The following GRK6 variants were observed in gnomAD, a reference collection of about 807,000 sequenced individuals.
GRK6 encodes the protein G protein-coupled receptor kinase 6.
GRK6 carries 37 observed loss-of-function variants against 80.8 expected under a neutral mutation model. The observed-to-expected ratio is 0.46, with a 90% CI of 0.35 to 0.60. The LOEUF (loss-of-function observed/expected upper bound fraction) is 0.60, where lower values mean the gene tolerates loss of function less well. Among genes scored for constraint, GRK6 ranks in the 20% least tolerant of loss-of-function variants. The probability of loss-of-function intolerance (pLI) is 0.00; values close to 1 mark genes in which losing one functional copy is unlikely to be tolerated. For missense variants in GRK6, 560 were observed against 784.6 expected, an observed-to-expected ratio of 0.71 and a Z score of 3.42; for synonymous variants, 295 against 320.9, an observed-to-expected ratio of 0.92 and a Z score of 0.86.
intron 13 of GRK6, among the ~76,000 whole-genome samples, chr5:177,437,557 T>A (rs1237396310): frequency 6.6e-6 from 1 of 152,196 alleles, no homozygotes; most frequent in Non-Finnish European, 1.5e-5. Flanking sequence ...CCTCTAGTTG[T>A]CAGAGTCCGG....
intron 5 of GRK6, 36 bp from the exon 6 acceptor site, chr5:177,433,111 G>T: frequency 6.4e-7 from 1 of 1,569,444 alleles, no homozygotes; most frequent in Non-Finnish European, 8.8e-7. Flanking sequence ...GGTGTCAGGG[G>T]CTGGCGGGTG....
chr5:177,436,212 G>C lies in GRK6; in HGVS notation c.1197G>C (p.Arg399=). The C allele has an allele frequency of 1.9e-6, 3 of 1,614,202 alleles. No individual in the cohort carries two copies. Among genetic ancestry groups the C allele is most frequent in the Non-Finnish European group, 2.5e-6 (3 of 1,180,036 alleles). Reference sequence around the variant, plus strand: ...AGATCAAGCGGGAGGAGGTGGAGCGGCTGGTGAAGGAGGTCCCCGAGGAGT... The same window carrying C: ...AGATCAAGCGGGAGGAGGTGGAGCGCCTGGTGAAGGAGGTCCCCGAGGAGT... The part of the protein sequence containing the change: ...KKKIKREEVE[R]LVKEVPEEYS... The change falls in exon 12 of 16, where the codon CGG becomes CGC. Residue 399 remains arginine (R), a synonymous_variant. Coordinates refer to ENST00000355472, the MANE Select transcript of GRK6 (RefSeq NM_001004106.3).
chr5:177,436,347 C>T, intron 12 of GRK6, 46 bp from the exon 13 acceptor site: 2 of 1,597,670 alleles, frequency 1.3e-6, no homozygotes, highest in Non-Finnish European at 8.5e-7. Flanking sequence ...CTCCCTCCCA[C>T]CCACTCACCT....
chr5:177,438,002 C>G (rs1764243988), intron 13 of GRK6, among the ~76,000 whole-genome samples: 1 of 152,184 alleles, frequency 6.6e-6, no homozygotes, highest in South Asian at 2.1e-4. Context: ...CCCTTACATT[C>G]TAGTGGGAGA....
chr5:177,431,021 G>T, intron 2 of GRK6, 54 bp downstream of exon 2: 1 of 1,468,480 alleles, frequency 6.8e-7, no homozygotes, highest in South Asian at 1.2e-5. Context: ...TGCTGGGGCC[G>T]GGGGAGCCTC....
Position 177,432,266 on chromosome 5 carries a change from A to G in GRK6, c.295A>G (p.Lys99Glu). Residue 99 changes from lysine to glutamate, a missense_variant, in exon 4 of 16, where the codon AAG (lysine) becomes GAG (glutamate). Lys to Glu is a moderately conservative substitution (Grantham distance 56). Coordinates refer to ENST00000355472, the MANE Select transcript of GRK6 (RefSeq NM_001004106.3). ...TGAAGTGACCCCGGATGACAAGCGG[A>G]AGGCATGTGGGCGGCAGCTAACGCA... ...EYEVTPDDKR[K>E]ACGRQLTQNF... The G allele has an allele frequency of 6.2e-7, 1 of 1,613,444 alleles. No individual in the cohort carries two copies. Among genetic ancestry groups the G allele is most frequent in the Non-Finnish European group, 8.5e-7 (1 of 1,179,996 alleles).
upstream of GRK6, among the ~76,000 whole-genome samples, chr5:177,425,938 G>A (rs1244340252): frequency 6.6e-6 from 1 of 152,254 alleles, no homozygotes; most frequent in African/African-American, 2.4e-5. Flanking sequence ...TCATCCCGAG[G>A]TCTAGGGGTG....
At chr5:177,431,252 G>A (rs187705228) in intron 2 of GRK6, among the ~76,000 whole-genome samples, 1 of 152,342 alleles carries the variant, frequency 6.6e-6, no homozygotes, top group Non-Finnish European at 1.5e-5. Flanking sequence ...GAGCCAGCTA[G>A]GGTGAGCAGG....
chr5:177,434,640 C>T (rs1434744083), intron 9 of GRK6, among the ~76,000 whole-genome samples: 1 of 152,238 alleles, frequency 6.6e-6, no homozygotes, highest in East Asian at 1.9e-4. Context: ...TCCTTGGTCT[C>T]CACTGGGGAG....
chr5:177,438,568 G>T (rs560746785), intron 13 of GRK6: 1 of 152,414 alleles, frequency 6.6e-6, no homozygotes, highest in Middle Eastern at 3.4e-3. Flanking sequence ...TGAGGCAGGG[G>T]CCAGCCCTGT....
At chr5:177,441,617 T>C (rs887677827) in intron 15 of GRK6, 120 bp from the exon 16 acceptor site, 39 of 852,106 alleles carry the variant, frequency 4.6e-5, no homozygotes, top group Admixed American at 6.9e-5. Context: ...CTCCCCAGAG[T>C]GCACCCCTCA....
intron 8 of GRK6, 94 bp from the exon 9 acceptor site, chr5:177,433,820 C>G: frequency 1.3e-6 from 2 of 1,490,970 alleles, no homozygotes; most frequent in Non-Finnish European, 1.8e-6. Flanking sequence ...GCAGGCTGGG[C>G]CCAAGGAGTG....
chr5:177,434,174 G>A, intron 9 of GRK6, 70 bp downstream of exon 9: 1 of 1,405,030 alleles, frequency 7.1e-7, no homozygotes. Flanking sequence ...GCCTGGACGG[G>A]GGTGGCCAAG....
At position 177,428,181 on chromosome 5, in the gene GRK6, G is replaced by A. The variant is rs573382922; in HGVS notation, c.52+1284G>A. 1.7e-3 allele frequency among the ~76,000 whole-genome samples: 262 copies of A among 152,352 alleles called. 1 individual carries two copies. The highest frequency in any genetic ancestry group is 3.1e-3 in the Non-Finnish European group (208 of 68,030). ...CTCCCAGCCTCTGGGGGCATCTGCC[G>A]ATTCTGTTCTGCCTCGTCATCCAAC... On this transcript the variant is annotated intron_variant, in intron 1 of 15. Transcript: ENST00000355472. The surrounding 1 kb of genome is among the most constrained non-coding windows in gnomAD (Gnocchi z 4.1).
chr5:177,430,553 T>A, intron 1 of GRK6: 1 of 363,114 alleles, frequency 2.8e-6, no homozygotes, highest in Non-Finnish European at 5.2e-6. Context: ...CCTTCTCCCC[T>A]TTCTTCACCG....
At chr5:177,435,651 A>G (rs1764108719) in intron 11 of GRK6, among the ~76,000 whole-genome samples, 1 of 152,230 alleles carries the variant, frequency 6.6e-6, no homozygotes, top group Non-Finnish European at 1.5e-5. Flanking sequence ...ATGAAAAGGG[A>G]GAGTTCAGGG....
chr5:177,433,235 G>T lies in GRK6; in HGVS notation c.529G>T (p.Glu177Ter). 1 of 1,614,176 alleles carries T rather than the reference G, an allele frequency of 6.2e-7. No individual in the cohort carries two copies. The highest frequency in any genetic ancestry group is 8.5e-7 in the Non-Finnish European group (1 of 1,180,012). The change falls in exon 6 of 16, where the codon GAA becomes TAA. Residue 177 changes from glutamate to a stop codon, truncating the protein, a stop_gained. Coordinates refer to ENST00000355472, the MANE Select transcript of GRK6 (RefSeq NM_001004106.3). LOFTEE classifies it high-confidence loss of function. ...FNRFLQWKWL[E>*]RQPVTKNTFR... ...CCGTTTCCTGCAGTGGAAGTGGCTG[G>T]AAAGGTGAGCTCCCTGAAGGCTGGG...
intron 2 of GRK6, 58 bp downstream of exon 2, chr5:177,431,025 G>A (rs1339191242): frequency 6.8e-7 from 1 of 1,471,416 alleles, no homozygotes; most frequent in African/African-American, 1.4e-5. Flanking sequence ...GGGGCCGGGG[G>A]AGCCTCCCCT....
chr5:177,432,137 G>T (rs371415406), intron 3 of GRK6, 30 bp downstream of exon 3: 7 of 1,607,702 alleles, frequency 4.4e-6, no homozygotes, highest in Middle Eastern at 1.7e-4. Flanking sequence ...GCCCAGCCCC[G>T]CGGGTGGCCG....
Sources: gnomAD v4.1 joint callset for allele counts (sites outside exome capture counted in the v4.1 genomes callset) on GRCh38, gnomAD v4.1.1 for gene constraint, Gnocchi (gnomAD v3.1) non-coding constraint, MANE v1.5 for transcripts, NCBI Gene and HGNC (gene_info 2026-07-23, HGNC 2026-07-21) for gene names.